DAB1: variants seen among roughly 807,000 people sequenced by gnomAD.
The protein encoded by DAB1 is DAB adaptor protein 1, also known as disabled homolog 1.
Under a neutral mutation model 64.6 loss-of-function variants are expected in DAB1, and 15 were observed. That is an observed-to-expected ratio of 0.23 (90% CI 0.16 to 0.36). DAB1 has a LOEUF of 0.36. Among genes scored for constraint, DAB1 ranks in the 10% least tolerant of loss-of-function variants. The pLI is 1.00. For missense variants in DAB1, 596 were observed against 706.7 expected (o/e 0.84, Z 1.78); for synonymous variants, 235 against 251.9 (o/e 0.93, Z 0.64).
chr1:58,420,319 C>A (rs1644760072), intron 3 of DAB1, among the ~76,000 whole-genome samples: 1 of 152,146 alleles, frequency 6.6e-6, no homozygotes, highest in South Asian at 2.1e-4. Flanking sequence ...ACCTCACCAT[C>A]AATACTCAAA....
At chr1:57,057,326 C>T (rs1339928228) in intron 9 of DAB1, among the ~76,000 whole-genome samples, 1 of 151,948 alleles carries the variant, frequency 6.6e-6, no homozygotes, top group Non-Finnish European at 1.5e-5. Flanking sequence ...CCTCTTTTTG[C>T]CTGTCTCTCT....
chr1:57,554,133 A>T (rs1158712460), intron 7 of DAB1, among the ~76,000 whole-genome samples: 2 of 152,236 alleles, frequency 1.3e-5, no homozygotes, highest in Non-Finnish European at 2.9e-5. Context: ...TAAGGAGACA[A>T]CAGAAGAAGG....
chr1:57,282,130 C>A (rs557802297), intron 2 of DAB1, among the ~76,000 whole-genome samples: 2 of 140,186 alleles, frequency 1.4e-5, no homozygotes, highest in African/African-American at 5.3e-5. Context: ...TTGCAGTGAG[C>A]TGAGATCACA....
intron 5 of DAB1, among the ~76,000 whole-genome samples, chr1:58,008,336 G>A (rs1178127183): frequency 6.6e-6 from 1 of 152,078 alleles, no homozygotes; most frequent in African/African-American, 2.4e-5. Context: ...TAGGGTAAAG[G>A]TAAAAATGGG....
rs71246205 is a variant in DAB1 at position 58,055,882 on chromosome 1, G to GTTATTATTATTATTATTATTA, written n.387+94608_387+94628dup. Among the ~76,000 whole-genome samples, 405 of 147,686 alleles carry GTTATTATTATTATTATTATTA rather than the reference G, an allele frequency of 2.7e-3. 2 individuals are homozygous for GTTATTATTATTATTATTATTA. Among genetic ancestry groups the GTTATTATTATTATTATTATTA allele is most frequent in the Middle Eastern group, 3.5e-3 (1 of 284 alleles). Reference sequence around the variant, plus strand: ...ACACAGGCATGTGCCATCACACCGAGTTATTATTATTATTATTATTATTAT... The same window carrying GTTATTATTATTATTATTATTA: ...ACACAGGCATGTGCCATCACACCGAGTTATTATTATTATTATTATTATTATTATTATTATTATTATTATTAT... On this transcript the variant is annotated intron_variant and non_coding_transcript_variant, in intron 5 of 20. Coordinates refer to the DAB1 transcript ENST00000485760.
chr1:57,071,417 G>A (rs552730591), intron 6 of DAB1, 105 bp downstream of exon 6: 434 of 1,351,006 alleles, frequency 3.2e-4, no homozygotes, highest in Middle Eastern at 1.7e-3. Flanking sequence ...TTTCATCTTC[G>A]TTTATTTCTA....
chr1:58,459,055 G>T (rs1408403747), intron 3 of DAB1, among the ~76,000 whole-genome samples: 1 of 152,212 alleles, frequency 6.6e-6, no homozygotes, highest in Non-Finnish European at 1.5e-5. Flanking sequence ...TAAGAAAGCT[G>T]AGTGTAAGAT....
At chr1:57,462,567 G>A (rs996296148) in intron 7 of DAB1, among the ~76,000 whole-genome samples, 1 of 152,126 alleles carries the variant, frequency 6.6e-6, no homozygotes, top group Non-Finnish European at 1.5e-5. Context: ...AACAACTACT[G>A]ACAACTGCCA....
At chr1:57,546,766 C>G (rs899219092) in intron 7 of DAB1, among the ~76,000 whole-genome samples, 1 of 152,078 alleles carries the variant, frequency 6.6e-6, no homozygotes, top group Non-Finnish European at 1.5e-5. Flanking sequence ...CAACTACAGT[C>G]TATAATGTTT....
At chr1:57,424,102 A>T (rs1034568212), upstream of DAB1, 7 of 150,902 alleles carry the variant, frequency 4.6e-5, no homozygotes, top group African/African-American at 1.7e-4. Context: ...GAGTAGGGGG[A>T]GGAGACCGCC....
intron 4 of DAB1, among the ~76,000 whole-genome samples, chr1:58,306,084 T>C (rs1489660619): frequency 2.0e-5 from 3 of 150,794 alleles, no homozygotes; most frequent in African/African-American, 4.9e-5. Flanking sequence ...GTGTGGGTGA[T>C]GAGGTGGGAA....
intron 3 of DAB1, among the ~76,000 whole-genome samples, chr1:58,392,604 C>G (rs957735174): frequency 5.9e-5 from 9 of 152,236 alleles, no homozygotes; most frequent in Non-Finnish European, 1.3e-4. Flanking sequence ...GAAGACTGCC[C>G]TCCACGACTG....
chr1:58,091,990 T>C (rs1231384582), intron 5 of DAB1, among the ~76,000 whole-genome samples: 3 of 146,374 alleles, frequency 2.0e-5, no homozygotes, highest in Non-Finnish European at 1.5e-5. Context: ...CTTAAGTAGC[T>C]TTAAGTGGTT....
chr1:58,368,236 G>T (rs77886861), intron 3 of DAB1, among the ~76,000 whole-genome samples: 12,361 of 152,204 alleles, frequency 0.081, 678 homozygotes, highest in South Asian at 0.12. Context: ...ATTAGGGGCT[G>T]GAGGAGGATA....
In DAB1 at chr1:58,323,236, TAA is replaced by T; in HGVS notation, n.309+20114_309+20115del. ...CACATGTACCTTAGAACTTAAAGTATAATAATAATAATAATAATAATAATAAT... is the reference window on the plus strand; with the variant it reads ...CACATGTACCTTAGAACTTAAAGTATTAATAATAATAATAATAATAATAAT... On this transcript the variant is annotated intron_variant and non_coding_transcript_variant, in intron 4 of 20. Transcript: ENST00000485760. Among the ~76,000 whole-genome samples, 2 of 18,794 alleles carry T rather than the reference TAA, an allele frequency of 1.1e-4. 1 individual carries two copies. The highest frequency in any genetic ancestry group is 5.5e-3 in the South Asian group (2 of 362). The allele number at this position is 18,794 out of a possible 152,430, so 12.3% of individuals were successfully genotyped here. A position where few individuals can be genotyped will look rare whatever the true frequency, so the allele number is the denominator to read the frequency against.
intron 1 of DAB1, among the ~76,000 whole-genome samples, chr1:57,379,170 C>T (rs1004512291): frequency 6.7e-6 from 1 of 150,264 alleles, no homozygotes; most frequent in East Asian, 2.1e-4. Flanking sequence ...CTAAGAAACC[C>T]CCTCCCCCAC....
chr1:57,708,483 G>A (rs985533070), intron 6 of DAB1, among the ~76,000 whole-genome samples: 4 of 152,218 alleles, frequency 2.6e-5, no homozygotes, highest in African/African-American at 9.6e-5. Flanking sequence ...AAAGTCCAGT[G>A]CTTCTGAGAT....
chr1:57,237,884 G>T (rs1668207433), intron 2 of DAB1, among the ~76,000 whole-genome samples: 1 of 152,170 alleles, frequency 6.6e-6, no homozygotes, highest in Non-Finnish European at 1.5e-5. Flanking sequence ...AGAGTGCATT[G>T]GATATGGACA....
intron 7 of DAB1, among the ~76,000 whole-genome samples, chr1:57,474,277 A>G (rs1462485687): frequency 6.6e-6 from 1 of 152,206 alleles, no homozygotes; most frequent in East Asian, 1.9e-4. Flanking sequence ...ATACTTGACA[A>G]TTCAGATGTT....
Sources: gnomAD v4.1 joint callset for allele counts (sites outside exome capture counted in the v4.1 genomes callset) on GRCh38, gnomAD v4.1.1 for gene constraint, MANE v1.5 for transcripts, NCBI Gene and HGNC (gene_info 2026-07-23, HGNC 2026-07-21) for gene names.